Variants in CNTN4 observed in about 807,000 individuals in gnomAD.
CNTN4 encodes the protein contactin-4.
A neutral mutation model predicts 122.5 loss-of-function variants in CNTN4; 77 were observed. The observed-to-expected ratio is 0.63, with a 90% CI of 0.52 to 0.76. The LOEUF is 0.76. Among genes scored for constraint, CNTN4 ranks in the 30% least tolerant of loss-of-function variants. The pLI is 0.00. For missense variants in CNTN4, 1,256 were observed against 1,259.1 expected, an observed-to-expected ratio of 1.00 and a Z score of 0.04; for synonymous variants, 512 against 447.0, an observed-to-expected ratio of 1.15 and a Z score of -1.83.
intron 4 of CNTN4, among the ~76,000 whole-genome samples, chr3:2,591,824 G>A (rs186978334): frequency 6.6e-5 from 10 of 152,270 alleles, no homozygotes; most frequent in African/African-American, 2.2e-4. Context: ...GTAGTAGTCT[G>A]CTCTTTATTT....
intron 14 of CNTN4, among the ~76,000 whole-genome samples, chr3:3,024,384 TAA>T (rs55892513): frequency 0.024 from 2,149 of 90,186 alleles, 53 homozygotes; most frequent in African/African-American, 0.083. Context: ...TTTTCCTCAT[TAA>T]AAAAAAAAAA....
At chr3:2,588,004 T>G (rs1267091569) in intron 4 of CNTN4, among the ~76,000 whole-genome samples, 1 of 152,110 alleles carries the variant, frequency 6.6e-6, no homozygotes, top group Non-Finnish European at 1.5e-5. Context: ...TCCCAAAATT[T>G]TATCATCTAT....
chr3:2,259,646 C>A (rs949216797), intron 2 of CNTN4, among the ~76,000 whole-genome samples: 38 of 152,142 alleles, frequency 2.5e-4, no homozygotes, highest in African/African-American at 8.9e-4. Flanking sequence ...CCTTATAAAA[C>A]CATCAGATCT....
chr3:2,103,714 TTTTA>T (rs969913256), intron 2 of CNTN4, among the ~76,000 whole-genome samples: 75 of 123,578 alleles, frequency 6.1e-4, no homozygotes, highest in Admixed American at 8.7e-4. Context: ...CAAAATTATT[TTTTA>T]TTTATCTATT....
chr3:2,637,847 G>A lies in CNTN4; in HGVS notation c.55+66289G>A, dbSNP rs910587255. Among the ~76,000 whole-genome samples, 4 of 151,960 alleles carry A rather than the reference G, an allele frequency of 2.6e-5. 1 individual carries two copies. Among genetic ancestry groups the A allele is most frequent in the African/African-American group, 4.8e-5 (2 of 41,388 alleles). On this transcript the variant is annotated intron_variant, in intron 4 of 24. Coordinates refer to ENST00000418658, the MANE Select transcript of CNTN4 (RefSeq NM_175607.3). Reference sequence around the variant, plus strand: ...ACATTTCTAACTTCCGATTACAGACGCTTCCCTTGATTGACTCTTCATCGA... The same window carrying A: ...ACATTTCTAACTTCCGATTACAGACACTTCCCTTGATTGACTCTTCATCGA...
At chr3:2,688,681 G>A (rs1338957305) in intron 4 of CNTN4, among the ~76,000 whole-genome samples, 2 of 152,164 alleles carry the variant, frequency 1.3e-5, no homozygotes, top group Admixed American at 1.3e-4. Context: ...GGTTAGAGGC[G>A]TGAATAGTCT....
intron 2 of CNTN4, among the ~76,000 whole-genome samples, chr3:2,296,894 T>C (rs746068149): frequency 1.3e-5 from 2 of 152,166 alleles, no homozygotes; most frequent in African/African-American, 2.4e-5. Context: ...AATGTAGTAT[T>C]CTAAAAGTTC....
chr3:2,696,293 G>A (rs1439947073), intron 4 of CNTN4, among the ~76,000 whole-genome samples: 2 of 152,340 alleles, frequency 1.3e-5, no homozygotes, highest in East Asian at 1.9e-4. Flanking sequence ...TGAGTTGAAT[G>A]TGTGTTCCCT....
At chr3:2,404,602 C>G (rs903198260) in intron 3 of CNTN4, among the ~76,000 whole-genome samples, 1 of 152,124 alleles carries the variant, frequency 6.6e-6, no homozygotes, top group Non-Finnish European at 1.5e-5. Context: ...TTTAAGGACT[C>G]ATATGATTAC....
chr3:3,029,657 T>A lies in CNTN4; in HGVS notation c.1663-1198T>A, dbSNP rs78260809. On this transcript the variant is annotated intron_variant, in intron 15 of 24. Transcript: ENST00000418658. ...ATGGTCTTTCCGGATGCTAGTCTAG[T>A]GTTACTGTTAAGAACAGGGACTATA... 6.8e-4 allele frequency among the ~76,000 whole-genome samples: 104 copies of A among 152,330 alleles called. 3 individuals are homozygous for A. The East Asian group carries it at 0.018, about 27-fold the overall frequency.
At chr3:2,109,241 T>C (rs1436667363) in intron 2 of CNTN4, among the ~76,000 whole-genome samples, 1 of 152,196 alleles carries the variant, frequency 6.6e-6, no homozygotes, top group African/African-American at 2.4e-5. Flanking sequence ...CATATTTTCA[T>C]TATTTTTATT....
At chr3:2,601,517 G>T (rs887990243) in intron 4 of CNTN4, among the ~76,000 whole-genome samples, 2 of 152,122 alleles carry the variant, frequency 1.3e-5, no homozygotes, top group South Asian at 4.1e-4. Context: ...TTATAGATGT[G>T]TGGTATTATT....
chr3:2,669,555 T>C lies in CNTN4; in HGVS notation c.56-66660T>C, dbSNP rs544639440. 5.9e-5 allele frequency among the ~76,000 whole-genome samples: 9 copies of C among 152,192 alleles called. No individual in the cohort carries two copies. The East Asian group carries it at 1.7e-3, about 29-fold the overall frequency. On this transcript the variant is annotated intron_variant, in intron 4 of 24. Transcript: ENST00000418658. ...TTCAAAAAACCACCTCCTGGATTCA[T>C]TGATTTTTTTGAACGGTTTTTTGTG...
At chr3:3,040,385 G>A (rs1700043631) in intron 20 of CNTN4, 114 bp downstream of exon 20, 1 of 794,388 alleles carries the variant, frequency 1.3e-6, no homozygotes, top group South Asian at 1.4e-5. Flanking sequence ...AGGCATACCT[G>A]ATTTGAGAAG....
intron 2 of CNTN4, among the ~76,000 whole-genome samples, chr3:2,135,529 C>G (rs1278808055): frequency 6.6e-6 from 1 of 152,100 alleles, no homozygotes; most frequent in Non-Finnish European, 1.5e-5. Flanking sequence ...GAACTTTAGA[C>G]TTGTTTTTAC....
intron 3 of CNTN4, among the ~76,000 whole-genome samples, chr3:2,429,801 C>G (rs1027330845): frequency 2.0e-5 from 3 of 152,182 alleles, no homozygotes; most frequent in Middle Eastern, 3.2e-3. Context: ...CCTCCCCCAG[C>G]CTTGCTGCCA....
chr3:2,921,412 T>C (rs532439237), intron 12 of CNTN4, among the ~76,000 whole-genome samples: 97 of 152,344 alleles, frequency 6.4e-4, no homozygotes, highest in African/African-American at 2.3e-3. Context: ...ACCAGTAGCC[T>C]TCTTTCTAGA....
At chr3:3,005,698 G>A (rs1047917191) in intron 14 of CNTN4, among the ~76,000 whole-genome samples, 7 of 150,924 alleles carry the variant, frequency 4.6e-5, no homozygotes, top group Non-Finnish European at 7.4e-5. Flanking sequence ...AGAACTAGCC[G>A]GCTTTCTTTC....
At chr3:2,666,260 G>A (rs1207475991) in intron 4 of CNTN4, among the ~76,000 whole-genome samples, 1 of 152,124 alleles carries the variant, frequency 6.6e-6, no homozygotes, top group Non-Finnish European at 1.5e-5. Context: ...AGAATAACGG[G>A]TTTCATGTCC....
Sources: allele counts gnomAD v4.1 joint callset (sites outside exome capture counted in the v4.1 genomes callset), GRCh38; gene constraint gnomAD v4.1.1; transcripts MANE v1.5; gene names NCBI Gene and HGNC (gene_info 2026-07-23, HGNC 2026-07-21).